Variants in TENM3 observed in about 807,000 individuals in gnomAD.
TENM3 encodes teneurin-3.
TENM3 carries 63 observed loss-of-function variants against 255.1 expected under a neutral mutation model. The observed-to-expected ratio is 0.25, with a 90% CI of 0.20 to 0.30. TENM3 has a LOEUF of 0.30. TENM3 is among the 10% of genes least tolerant of loss of function. The pLI, the probability that TENM3 is intolerant of heterozygous loss-of-function variation, is 1.00. For synonymous variants in TENM3, 1,306 were observed against 1,322.3 expected, an observed-to-expected ratio of 0.99 and a Z score of 0.27; for missense variants, 2,929 against 3,461.1, an observed-to-expected ratio of 0.85 and a Z score of 3.86.
intron 1 of TENM3, among the ~76,000 whole-genome samples, chr4:182,291,922 G>A (rs539015903): frequency 1.2e-4 from 18 of 152,132 alleles, no homozygotes; most frequent in East Asian, 3.9e-4. Context: ...TGTTATGTGC[G>A]TCACATTTCT....
chr4:181,981,861 C>T, the TENM3 span, among the ~76,000 whole-genome samples: 2 of 152,062 alleles, frequency 1.3e-5, no homozygotes, highest in Admixed American at 6.6e-5. Context: ...AATCTGTGGC[C>T]AGAGAAGATA....
At chr4:182,356,472 A>T (rs1765537155) in intron 3 of TENM3, among the ~76,000 whole-genome samples, 1 of 152,246 alleles carries the variant, frequency 6.6e-6, no homozygotes, top group Non-Finnish European at 1.5e-5. Context: ...TCAACTAAGG[A>T]AGGAGAGAGC....
At chr4:182,356,320 T>C (rs1765524305) in intron 3 of TENM3, among the ~76,000 whole-genome samples, 1 of 152,018 alleles carries the variant, frequency 6.6e-6, no homozygotes, top group Non-Finnish European at 1.5e-5. Context: ...CTGGGAAACA[T>C]AGTGAGACCC....
At chr4:182,177,958 G>GT (rs56256529) in intron 1 of TENM3, among the ~76,000 whole-genome samples, 19,365 of 117,076 alleles carry the variant, frequency 0.17, 2,912 homozygotes, top group African/African-American at 0.42. Context: ...TTTGGTTTTT[G>GT]TTTTTTTTTT....
intron 1 of TENM3, among the ~76,000 whole-genome samples, chr4:182,193,120 GT>G (rs1753622943): frequency 6.6e-6 from 1 of 152,170 alleles, no homozygotes; most frequent in Admixed American, 6.5e-5. Context: ...TTGGCATGAA[GT>G]ATACACCATC....
At chr4:181,724,264 G>A in the TENM3 span, among the ~76,000 whole-genome samples, 1 of 152,050 alleles carries the variant, frequency 6.6e-6, no homozygotes, top group African/African-American at 2.4e-5. Context: ...ATTTAAATCT[G>A]TTGTAAGCAT....
chr4:182,326,500 T>C (rs534610910), intron 2 of TENM3, among the ~76,000 whole-genome samples: 7 of 142,654 alleles, frequency 4.9e-5, no homozygotes, highest in African/African-American at 1.6e-4. Flanking sequence ...CACCCTTTGA[T>C]TTATTGCAGT....
chr4:181,554,747 A>C, the TENM3 span, among the ~76,000 whole-genome samples: 1 of 152,256 alleles, frequency 6.6e-6, no homozygotes, highest in Non-Finnish European at 1.5e-5. Context: ...AACGTTTCAT[A>C]CTGAAGTTGA....
the TENM3 span, among the ~76,000 whole-genome samples, chr4:181,743,979 A>G: frequency 1.3e-5 from 2 of 151,558 alleles, no homozygotes; most frequent in African/African-American, 2.4e-5. Flanking sequence ...CCCTCCCCTC[A>G]CCCAACCCCG....
chr4:182,795,995 C>T (rs73869830), intron 26 of TENM3, among the ~76,000 whole-genome samples: 5,187 of 152,222 alleles, frequency 0.034, 278 homozygotes, highest in African/African-American at 0.12. Flanking sequence ...TAAAATACCA[C>T]CTTAAAGGTT....
the TENM3 span, among the ~76,000 whole-genome samples, chr4:181,843,716 C>CTTTTT: frequency 2.9e-4 from 30 of 104,680 alleles, no homozygotes; most frequent in East Asian, 1.7e-3. Flanking sequence ...TAAGGGCCTT[C>CTTTTT]TTTTTTTTTT....
At chr4:181,957,482 C>T in the TENM3 span, among the ~76,000 whole-genome samples, 2 of 152,132 alleles carry the variant, frequency 1.3e-5, no homozygotes, top group Non-Finnish European at 2.9e-5. Flanking sequence ...TTTTATAAAC[C>T]AAAACCCAAT....
chr4:182,587,956 CTT>C (rs1746213360), intron 3 of TENM3, among the ~76,000 whole-genome samples: 1 of 151,802 alleles, frequency 6.6e-6, no homozygotes, highest in South Asian at 2.1e-4. Flanking sequence ...TATTTTATGA[CTT>C]GAGTTAATAC....
At chr4:181,897,396 A>G in the TENM3 span, among the ~76,000 whole-genome samples, 1 of 152,212 alleles carries the variant, frequency 6.6e-6, no homozygotes, top group East Asian at 1.9e-4. Context: ...GAGCTCCTCC[A>G]TCATTCTTGG....
Position 182,753,726 on chromosome 4 carries a change from G to A in TENM3, c.4017+122G>A, listed in dbSNP as rs376339822. ...TCATGTGTTGCAGTGGTTCTGATAG[G>A]GCAGTTCCATTTACATGTATCACAG... is the stretch of plus-strand genomic sequence containing the variant. On this transcript the variant is annotated intron_variant, in intron 21 of 27. Coordinates refer to ENST00000511685, the MANE Select transcript of TENM3 (RefSeq NM_001080477.4). 1.4e-4 allele frequency: 114 copies of A among 829,332 alleles called. No homozygotes were observed. The African/African-American group carries it at 1.7e-3, about 13-fold the overall frequency. 51.4% of individuals were successfully genotyped at this position (829,332 alleles called of 1,614,324 possible).
rs1226596915 is a variant in TENM3 at position 182,792,967 on chromosome 4, A to G, written c.6295A>G (p.Met2099Val). The G allele has an allele frequency of 1.2e-6, 2 of 1,613,898 alleles. No individual in the cohort carries two copies. Among genetic ancestry groups the G allele is most frequent in the South Asian group, 1.1e-5 (1 of 91,054 alleles). Reference sequence around the variant, plus strand: ...TCAATATGAGATATTCAGGTCGCTCATGTACTGGATTACAATTCAGTATGA... The same window carrying G: ...TCAATATGAGATATTCAGGTCGCTCGTGTACTGGATTACAATTCAGTATGA... ...EIQYEIFRSL[M>V]YWITIQYDNM... The change falls in exon 26 of 28, where the codon ATG (methionine) becomes GTG (valine). Residue 2099 changes from methionine (M) to valine (V), a missense_variant. By Grantham distance (21) the Met-to-Val change is conservative. This residue lies in a region of TENM3 where 256 missense variants were observed against 389.3 expected (regional missense o/e 0.66). Coordinates refer to ENST00000511685, the MANE Select transcript of TENM3 (RefSeq NM_001080477.4). The surrounding 1 kb of genome is among the most constrained non-coding windows in gnomAD (Gnocchi z 6.3).
chr4:182,367,923 T>C (rs1453746762), intron 3 of TENM3, among the ~76,000 whole-genome samples: 2 of 152,168 alleles, frequency 1.3e-5, no homozygotes, highest in Admixed American at 1.3e-4. Flanking sequence ...AGTCATTTCT[T>C]AGAACAGGTC....
At chr4:181,487,465 G>A in the TENM3 span, among the ~76,000 whole-genome samples, 1 of 152,120 alleles carries the variant, frequency 6.6e-6, no homozygotes, top group African/African-American at 2.4e-5. Context: ...TCTGGTAAAG[G>A]CCCTCTTCCT....
At chr4:182,155,079 T>C (rs1312691183) in intron 1 of TENM3, among the ~76,000 whole-genome samples, 1 of 152,146 alleles carries the variant, frequency 6.6e-6, no homozygotes, top group Non-Finnish European at 1.5e-5. Flanking sequence ...TCAGCGTCAA[T>C]CAAATACAAG....
Sources: gnomAD v4.1 joint callset for allele counts (sites outside exome capture counted in the v4.1 genomes callset) on GRCh38, gnomAD v4.1.1 for gene constraint, gnomAD v4.1.1 regional missense constraint, Gnocchi (gnomAD v3.1) non-coding constraint, MANE v1.5 for transcripts, NCBI Gene and HGNC (gene_info 2026-07-23, HGNC 2026-07-21) for gene names.